The following MAGI2 variants were observed in gnomAD, a reference collection of about 807,000 sequenced individuals.
MAGI2 encodes membrane-associated guanylate kinase, WW and PDZ domain-containing protein 2.
In MAGI2, 35 loss-of-function variants were observed where a neutral mutation model predicts 133.3. The ratio of observed to expected loss-of-function variants is 0.26; its 90% CI spans 0.20 to 0.35. The LOEUF is 0.35. MAGI2 is among the 10% of genes least tolerant of loss of function. The pLI is 1.00. For missense variants in MAGI2, 1,636 were observed against 1,863.4 expected, an observed-to-expected ratio of 0.88 and a Z score of 2.25; for synonymous variants, 729 against 710.6, an observed-to-expected ratio of 1.03 and a Z score of -0.41.
chr7:78,101,311 TTA>T (rs1818191651), intron 20 of MAGI2, among the ~76,000 whole-genome samples: 1 of 152,258 alleles, frequency 6.6e-6, no homozygotes, highest in African/African-American at 2.4e-5. Flanking sequence ...TATTACAAGG[TTA>T]TAGTAACTAA....
chr7:78,118,347 A>C (rs986546514), intron 20 of MAGI2, among the ~76,000 whole-genome samples: 8 of 152,200 alleles, frequency 5.3e-5, no homozygotes, highest in African/African-American at 1.9e-4. Flanking sequence ...AATAATTAGG[A>C]AGCTGGATTT....
chr7:79,125,678 A>G (rs2129544961), intron 1 of MAGI2: 2 of 529,138 alleles, frequency 3.8e-6, no homozygotes, highest in Non-Finnish European at 3.7e-6. Flanking sequence ...TAAATTTTGG[A>G]GCCATGAAGG....
At chr7:78,857,176 T>A (rs1213124236) in intron 2 of MAGI2, among the ~76,000 whole-genome samples, 1 of 152,238 alleles carries the variant, frequency 6.6e-6, no homozygotes. Context: ...GTTTTCTAAA[T>A]ATACAATCAT....
At chr7:79,197,755 G>A (rs1038311629) in intron 1 of MAGI2, among the ~76,000 whole-genome samples, 16 of 151,994 alleles carry the variant, frequency 1.1e-4, no homozygotes, top group African/African-American at 3.4e-4. Flanking sequence ...TGTCTGGTAA[G>A]GACTCTTTGC....
chr7:78,914,829 C>G (rs780487069), intron 2 of MAGI2, among the ~76,000 whole-genome samples: 27 of 151,908 alleles, frequency 1.8e-4, no homozygotes, highest in Non-Finnish European at 3.2e-4. Context: ...CAAAATGTAG[C>G]AGGGGCCATA....
Position 78,853,159 on chromosome 7 carries a change from A to G in MAGI2, c.418+153931T>C, listed in dbSNP as rs928620735. ...ATTCGATCAAGAACGGGCCAGGCAC[A>G]GTGGCTCATGCCTGTAATCCCAGCA... is the stretch of plus-strand genomic sequence containing the variant. On this transcript the variant is annotated intron_variant, in intron 2 of 21. Coordinates refer to ENST00000354212, the MANE Select transcript of MAGI2 (RefSeq NM_012301.4). Among the ~76,000 whole-genome samples the G allele has an allele frequency of 3.3e-5, 5 of 151,980 alleles. No individual in the cohort carries two copies. In the South Asian group the frequency reaches 1.0e-3, roughly 32 times the overall value.
chr7:78,955,501 G>A (rs959121639), intron 2 of MAGI2, among the ~76,000 whole-genome samples: 3 of 151,730 alleles, frequency 2.0e-5, no homozygotes, highest in African/African-American at 7.3e-5. Context: ...GTCTGAAGTC[G>A]GAAAAAAATA....
intron 21 of MAGI2, among the ~76,000 whole-genome samples, chr7:78,064,495 T>C (rs1187458603): frequency 6.6e-6 from 1 of 152,192 alleles, no homozygotes; most frequent in African/African-American, 2.4e-5. Context: ...ATTAGCAGGG[T>C]CATTAACAAT....
At chr7:79,136,073 GAA>G (rs1821490800) in intron 1 of MAGI2, among the ~76,000 whole-genome samples, 1 of 37,248 alleles carries the variant, frequency 2.7e-5, no homozygotes, top group Admixed American at 2.7e-4. Context: ...AAGAAGGAAA[GAA>G]AGAAAGAAAG....
chr7:79,119,815 T>A (rs769163562), intron 1 of MAGI2, among the ~76,000 whole-genome samples: 3 of 152,016 alleles, frequency 2.0e-5, no homozygotes, highest in Non-Finnish European at 2.9e-5. Flanking sequence ...TAATGTATTA[T>A]GGTGTGAGGA....
Position 78,312,687 on chromosome 7 carries a change from T to C in MAGI2, c.1408+31091A>G, listed in dbSNP as rs142826603. 1.2e-3 allele frequency among the ~76,000 whole-genome samples: 181 copies of C among 152,306 alleles called. 2 individuals carry two copies. Among genetic ancestry groups the C allele is most frequent in the Admixed American group, 9.5e-3 (145 of 15,298 alleles). Reference sequence around the variant, plus strand: ...AGAAAACGAAATGCTTATACACTGCTGGTGGGAATGTCAATTAGTTCAACT... The same window carrying C: ...AGAAAACGAAATGCTTATACACTGCCGGTGGGAATGTCAATTAGTTCAACT... On this transcript the variant is annotated intron_variant, in intron 9 of 21. Coordinates refer to ENST00000354212, the MANE Select transcript of MAGI2 (RefSeq NM_012301.4).
intron 6 of MAGI2, among the ~76,000 whole-genome samples, chr7:78,483,445 T>A (rs1792637890): frequency 1.3e-5 from 2 of 151,740 alleles, no homozygotes; most frequent in Admixed American, 1.3e-4. Context: ...AAGGGTAAAA[T>A]ACATAAATCA....
intron 2 of MAGI2, among the ~76,000 whole-genome samples, chr7:78,957,281 AAAAAGAAAAG>A (rs1297420171): frequency 1.3e-5 from 2 of 150,140 alleles, no homozygotes; most frequent in African/African-American, 2.4e-5. Flanking sequence ...AAAAAAAAAA[AAAAAGAAAAG>A]AAAAGAAAAA....
intron 2 of MAGI2, among the ~76,000 whole-genome samples, chr7:78,642,200 A>C (rs1810386783): frequency 6.6e-6 from 1 of 152,230 alleles, no homozygotes; most frequent in African/African-American, 2.4e-5. Flanking sequence ...TGGATAAAGC[A>C]GTATTCACAG....
intron 16 of MAGI2, among the ~76,000 whole-genome samples, chr7:78,140,247 T>A (rs1822608443): frequency 6.6e-6 from 1 of 152,212 alleles, no homozygotes; most frequent in African/African-American, 2.4e-5. Context: ...CTTCCTGAAA[T>A]CCTAAGGGAA....
intron 10 of MAGI2, among the ~76,000 whole-genome samples, chr7:78,219,173 G>A (rs918592270): frequency 2.0e-5 from 3 of 151,996 alleles, no homozygotes; most frequent in African/African-American, 7.3e-5. Context: ...CTTTATACAC[G>A]TTCCCTTGGG....
chr7:79,405,964 C>A (rs1845778389), intron 1 of MAGI2, among the ~76,000 whole-genome samples: 1 of 144,260 alleles, frequency 6.9e-6, no homozygotes, highest in African/African-American at 2.6e-5. Flanking sequence ...CAGTTTATGA[C>A]AAAATAAGAA....
chr7:79,264,013 A>G (rs1366172439), intron 1 of MAGI2, among the ~76,000 whole-genome samples: 1 of 152,186 alleles, frequency 6.6e-6, no homozygotes, highest in Admixed American at 6.5e-5. Flanking sequence ...AGAGTCATAT[A>G]TGTGATTTAA....
At chr7:79,007,441 T>G (rs1322166064) in intron 1 of MAGI2, among the ~76,000 whole-genome samples, 1 of 152,210 alleles carries the variant, frequency 6.6e-6, no homozygotes, top group East Asian at 1.9e-4. Flanking sequence ...AAATTTATCC[T>G]TCATTTAGAA....
Sources: allele counts gnomAD v4.1 joint callset (sites outside exome capture counted in the v4.1 genomes callset), GRCh38; gene constraint gnomAD v4.1.1; transcripts MANE v1.5; gene names NCBI Gene and HGNC (gene_info 2026-07-23, HGNC 2026-07-21).